The following CARM1 variants were observed in gnomAD, a reference collection of about 807,000 sequenced individuals.
CARM1 encodes histone-arginine methyltransferase CARM1.
In CARM1, 14 loss-of-function variants were observed where a neutral mutation model predicts 72.7. The ratio of observed to expected loss-of-function variants is 0.19; its 90% CI spans 0.13 to 0.30. CARM1 has a LOEUF of 0.30. Ranked by LOEUF, CARM1 falls within the 10% of genes least tolerant of loss-of-function variation. The probability of loss-of-function intolerance (pLI) is 1.00; values close to 1 mark genes in which losing one functional copy is unlikely to be tolerated. For missense variants in CARM1, 432 were observed against 833.7 expected, an observed-to-expected ratio of 0.52 and a Z score of 5.93; for synonymous variants, 333 against 345.5, an observed-to-expected ratio of 0.96 and a Z score of 0.40.
Position 10,920,980 on chromosome 19 carries a change from C to T in CARM1, c.1537+34C>T, listed in dbSNP as rs773487272. Reference sequence around the variant, plus strand: ...GGCCCACCCCAATGCCCAGCCAACCCGGGAGGCCGCCCTCGCCGCAGGCCT... The same window carrying T: ...GGCCCACCCCAATGCCCAGCCAACCTGGGAGGCCGCCCTCGCCGCAGGCCT... On this transcript the variant is annotated intron_variant, in intron 13 of 15. Coordinates refer to ENST00000327064, the MANE Select transcript of CARM1 (RefSeq NM_199141.2). This position sits in a 1 kb window ranked among gnomAD's most constrained non-coding sequence, Gnocchi z 5.3. The T allele has an allele frequency of 9.8e-5, 158 of 1,612,670 alleles. No homozygotes were observed. Among genetic ancestry groups the T allele is most frequent in the Non-Finnish European group, 1.2e-4 (141 of 1,178,862 alleles).
intron 4 of CARM1, among the ~76,000 whole-genome samples, chr19:10,910,357 T>C (rs139737363): frequency 0.012 from 1,853 of 151,706 alleles, 32 homozygotes; most frequent in African/African-American, 0.042. Context: ...GGCAGGCACC[T>C]GTAGTCCCAG....
intron 1 of CARM1, among the ~76,000 whole-genome samples, chr19:10,890,321 G>A (rs1242389809): frequency 6.7e-6 from 1 of 148,452 alleles, no homozygotes; most frequent in Non-Finnish European, 1.5e-5. Flanking sequence ...AGGCTGGAGT[G>A]CAGTGGCGCG....
intron 1 of CARM1, among the ~76,000 whole-genome samples, chr19:10,890,077 A>G (rs931531134): frequency 6.6e-6 from 1 of 151,978 alleles, no homozygotes; most frequent in African/African-American, 2.4e-5. Flanking sequence ...GCAAGACCCC[A>G]TCTCTACAGA....
intron 2 of CARM1, among the ~76,000 whole-genome samples, chr19:10,906,962 A>G (rs1421644522): frequency 2.7e-5 from 4 of 148,306 alleles, no homozygotes; most frequent in Non-Finnish European, 5.9e-5. Context: ...GCTGGAGTGC[A>G]GTCACACAAT....
intron 4 of CARM1, among the ~76,000 whole-genome samples, chr19:10,911,310 T>C (rs2074148969): frequency 6.6e-6 from 1 of 152,164 alleles, no homozygotes; most frequent in Admixed American, 6.5e-5. Context: ...CCCCCTAGCA[T>C]CGCTTACCGT....
chr19:10,911,233 C>A (rs930009515), intron 4 of CARM1, among the ~76,000 whole-genome samples: 2 of 152,050 alleles, frequency 1.3e-5, no homozygotes, highest in Non-Finnish European at 2.9e-5. Flanking sequence ...TTTTTTCCTC[C>A]AAGTATTTTG....
At chr19:10,884,114 G>T (rs1192619063) in intron 1 of CARM1, among the ~76,000 whole-genome samples, 1 of 148,234 alleles carries the variant, frequency 6.7e-6, no homozygotes, top group Non-Finnish European at 1.5e-5. Context: ...AGGCCGAGGT[G>T]GGCGGATCAC....
At chr19:10,885,942 C>T (rs2073938576) in intron 1 of CARM1, among the ~76,000 whole-genome samples, 2 of 146,986 alleles carry the variant, frequency 1.4e-5, no homozygotes, top group Non-Finnish European at 3.0e-5. Context: ...GGTGTGAACA[C>T]AGCTCATTGC....
At chr19:10,890,764 T>C (rs529830424) in intron 1 of CARM1, among the ~76,000 whole-genome samples, 46 of 67,772 alleles carry the variant, frequency 6.8e-4, no homozygotes, top group South Asian at 4.1e-3. Context: ...CACACACATA[T>C]ACACACACAC....
chr19:10,894,707 C>T (rs556504111), intron 1 of CARM1, among the ~76,000 whole-genome samples: 20 of 148,726 alleles, frequency 1.3e-4, no homozygotes, highest in African/African-American at 4.6e-4. Flanking sequence ...TTGCCCTCCA[C>T]CTCCTTGTGT....
At chr19:10,900,483 C>T (rs928138560) in intron 1 of CARM1, among the ~76,000 whole-genome samples, 3 of 152,092 alleles carry the variant, frequency 2.0e-5, no homozygotes, top group Non-Finnish European at 4.4e-5. Flanking sequence ...TTCTGCTATT[C>T]ATTCATGTTG....
intron 1 of CARM1, among the ~76,000 whole-genome samples, chr19:10,901,892 T>G (rs1348471524): frequency 1.3e-5 from 2 of 151,506 alleles, no homozygotes; most frequent in South Asian, 2.1e-4. Flanking sequence ...GAGGTTGCAG[T>G]GAGCCAAGAT....
At chr19:10,921,239 TC>T in intron 14 of CARM1, 112 bp downstream of exon 14, 6 of 1,432,812 alleles carry the variant, frequency 4.2e-6, no homozygotes, top group Non-Finnish European at 5.9e-6. Context: ...TTTCACCTTT[TC>T]CTCTTCCTGG....
chr19:10,917,475 T>C (rs1030806366), intron 8 of CARM1, among the ~76,000 whole-genome samples: 2 of 151,810 alleles, frequency 1.3e-5, no homozygotes, highest in African/African-American at 4.8e-5. Flanking sequence ...AGACTCCGTC[T>C]CAAAAAAAAA....
intron 8 of CARM1, among the ~76,000 whole-genome samples, chr19:10,918,580 G>A (rs895672752): frequency 1.3e-5 from 2 of 152,064 alleles, no homozygotes; most frequent in Admixed American, 6.6e-5. Context: ...GCCCTGCCTC[G>A]CTCAAAGCTC....
intron 1 of CARM1, among the ~76,000 whole-genome samples, chr19:10,901,721 C>A (rs747400710): frequency 5.3e-5 from 8 of 152,166 alleles, no homozygotes; most frequent in Non-Finnish European, 8.8e-5. Context: ...GCGGACAGAT[C>A]ACACGAGGCT....
intron 1 of CARM1, among the ~76,000 whole-genome samples, chr19:10,903,667 C>T (rs2074082632): frequency 6.6e-6 from 1 of 151,786 alleles, no homozygotes; most frequent in Non-Finnish European, 1.5e-5. Context: ...CTCAAGCGAT[C>T]CTCCCACCTC....
At position 10,920,315 on chromosome 19, in the gene CARM1, C is replaced by A; in HGVS notation, c.1197-121C>A. 1 of 1,212,116 alleles carries A rather than the reference C, an allele frequency of 8.3e-7. No individual in the cohort carries two copies. The highest frequency in any genetic ancestry group is 1.1e-6 in the Non-Finnish European group (1 of 877,604). The allele number at this position is 1,212,116 out of a possible 1,614,324, so 75.1% of individuals were successfully genotyped here. On this transcript the variant is annotated intron_variant, in intron 10 of 15. Transcript: ENST00000327064. This position sits in a 1 kb window ranked among gnomAD's most constrained non-coding sequence, Gnocchi z 5.3. Reference sequence around the variant, plus strand: ...CCTGGGGGCCAGCCTGTCTCTGCTCCAGGGTCCCAGGGGTCCCTGGCAGAG... The same window carrying A: ...CCTGGGGGCCAGCCTGTCTCTGCTCAAGGGTCCCAGGGGTCCCTGGCAGAG...
At position 10,915,179 on chromosome 19, in the gene CARM1, C is replaced by T. The variant is rs529749105; in HGVS notation, c.847+1125C>T. Among the ~76,000 whole-genome samples, 4 of 152,286 alleles carry T rather than the reference C, an allele frequency of 2.6e-5. No individual in the cohort carries two copies. The East Asian group carries it at 7.7e-4, about 29-fold the overall frequency. ...CCTGGAGGTGGGAGGTGGCGTCCCA[C>T]AGCTGTGTCTCATGTCTTGGGTGTG... is the stretch of plus-strand genomic sequence containing the variant. On this transcript the variant is annotated intron_variant, in intron 6 of 15. Transcript: ENST00000327064. The surrounding 1 kb of genome is among the most constrained non-coding windows in gnomAD (Gnocchi z 4.6).
Sources: gnomAD v4.1 joint callset for allele counts (sites outside exome capture counted in the v4.1 genomes callset) on GRCh38, gnomAD v4.1.1 for gene constraint, Gnocchi (gnomAD v3.1) non-coding constraint, MANE v1.5 for transcripts, NCBI Gene and HGNC (gene_info 2026-07-23, HGNC 2026-07-21) for gene names.